Variants in IFT140 observed in about 807,000 individuals in gnomAD.
The protein encoded by IFT140 is intraflagellar transport 140.
A neutral mutation model predicts 164.6 loss-of-function variants in IFT140; 133 were observed. The observed-to-expected ratio is 0.81, with a 90% CI of 0.70 to 0.93. The LOEUF is 0.93. Ranked by LOEUF, IFT140 falls within the 40% of genes least tolerant of loss-of-function variation. The probability of loss-of-function intolerance (pLI) is 0.00; values close to 1 mark genes in which losing one functional copy is unlikely to be tolerated. For missense variants in IFT140, 2,045 were observed against 1,972.3 expected (o/e 1.04, Z -0.70); for synonymous variants, 860 against 817.3 (o/e 1.05, Z -0.89).
chr16:1,575,142 G>A (rs8059372), intron 13 of IFT140, among the ~76,000 whole-genome samples: 5,396 of 150,710 alleles, frequency 0.036, 312 homozygotes, highest in African/African-American at 0.12. Flanking sequence ...AGGCAGGAGG[G>A]TCACTTCAGC....
At chr16:1,592,896 C>T (rs543661068) in intron 4 of IFT140, among the ~76,000 whole-genome samples, 48 of 150,178 alleles carry the variant, frequency 3.2e-4, no homozygotes, top group Middle Eastern at 3.6e-3. Context: ...GGTGGAAGGA[C>T]AGGTGCCCTG....
At chr16:1,580,518 G>A (rs962628195) in intron 13 of IFT140, 25 of 394,732 alleles carry the variant, frequency 6.3e-5, no homozygotes, top group Non-Finnish European at 8.3e-5. Context: ...CTTCCCATTC[G>A]CCTCCCACCA....
intron 3 of IFT140, among the ~76,000 whole-genome samples, chr16:1,604,221 A>G (rs1475554307): frequency 6.7e-6 from 1 of 150,234 alleles, no homozygotes; most frequent in African/African-American, 2.5e-5. Context: ...TATATGGAGG[A>G]GCCTGCTGGC....
At chr16:1,525,417 T>C (rs2040658682) in intron 21 of IFT140, 91 bp from the exon 22 acceptor site, 3 of 953,858 alleles carry the variant, frequency 3.1e-6, no homozygotes, top group Non-Finnish European at 5.0e-6. Flanking sequence ...GTGAAACGCA[T>C]CAGAGCGGTG....
intron 19 of IFT140, among the ~76,000 whole-genome samples, chr16:1,535,368 C>A (rs1417168589): frequency 4.6e-5 from 7 of 152,196 alleles, no homozygotes; most frequent in African/African-American, 2.4e-5. Flanking sequence ...ATGGGGTCAT[C>A]TCAACAGTCA....
At chr16:1,572,340 G>A (rs1471628470) in intron 13 of IFT140, among the ~76,000 whole-genome samples, 1 of 152,128 alleles carries the variant, frequency 6.6e-6, no homozygotes, top group Non-Finnish European at 1.5e-5. Context: ...TCCCACAGTC[G>A]GCACGTTAGA....
chr16:1,556,667 T>C (rs1034199364), intron 19 of IFT140, among the ~76,000 whole-genome samples: 7 of 152,220 alleles, frequency 4.6e-5, no homozygotes, highest in African/African-American at 1.7e-4. Context: ...AGCGTAGAAA[T>C]ACCAGATTCA....
chr16:1,577,065 C>G (rs765285405), intron 13 of IFT140: 1 of 152,164 alleles, frequency 6.6e-6, no homozygotes, highest in Admixed American at 6.6e-5. Flanking sequence ...TCATGCATTT[C>G]GTGCAATACT....
chr16:1,592,072 C>T, intron 6 of IFT140, 104 bp downstream of exon 6: 5 of 1,245,070 alleles, frequency 4.0e-6, no homozygotes, highest in Non-Finnish European at 5.7e-6. Context: ...CTGCTGCTAT[C>T]ACCGTTACTG....
In IFT140 at chr16:1,564,919, T is replaced by TGCAGA. The variant is rs1348004140; in HGVS notation, c.1902-762_1902-758dup. Among the ~76,000 whole-genome samples, 4 of 152,050 alleles carry TGCAGA rather than the reference T, an allele frequency of 2.6e-5. No individual in the cohort carries two copies. The highest frequency in any genetic ancestry group is 5.9e-5 in the Non-Finnish European group (4 of 68,012). ...CCCTCACAGCCACGTTCGGCACCAG[T>TGCAGA]GCAGAGCAGAGCAGAAAGCAGGGCA... On this transcript the variant is annotated intron_variant, in intron 16 of 30. Coordinates refer to ENST00000426508, the MANE Select transcript of IFT140 (RefSeq NM_014714.4). The surrounding 1 kb of genome is among the most constrained non-coding windows in gnomAD (Gnocchi z 5.5).
rs377688969 is a variant in IFT140 at position 1,519,935 on chromosome 16, A to G, written c.3986T>C (p.Leu1329Pro). Residue 1329 changes from leucine to proline, a missense_variant, in exon 29 of 31, where the codon CTG becomes CCG. Leu to Pro is a moderately conservative substitution (Grantham distance 98). Coordinates refer to ENST00000426508, the MANE Select transcript of IFT140 (RefSeq NM_014714.4). Reference sequence around the variant, plus strand: ...TGCCATCCTGCTCTGCAGCTGCGCCAGCCTGGTCTCCTGGTCCAGGGGGCT... The same window carrying G: ...TGCCATCCTGCTCTGCAGCTGCGCCGGCCTGGTCTCCTGGTCCAGGGGGCT... ...AKSPLDQETR[L>P]AQLQSRMALV... The G allele has an allele frequency of 6.2e-7, 1 of 1,602,614 alleles. No individual in the cohort carries two copies. The highest frequency in any genetic ancestry group is 1.3e-5 in the African/African-American group (1 of 74,126).
intron 18 of IFT140, among the ~76,000 whole-genome samples, chr16:1,560,253 A>C (rs2033332080): frequency 6.6e-6 from 1 of 152,176 alleles, no homozygotes; most frequent in Non-Finnish European, 1.5e-5. Context: ...GTCTTCATGA[A>C]GCCAGACTGC....
intron 14 of IFT140, among the ~76,000 whole-genome samples, chr16:1,569,065 C>T (rs180759409): frequency 0.017 from 2,503 of 145,606 alleles, 21 homozygotes; most frequent in Non-Finnish European, 0.026. Flanking sequence ...AGTGCAGTGG[C>T]GCCATCTCGG....
At chr16:1,567,612 G>A (rs1474880236) in intron 15 of IFT140, among the ~76,000 whole-genome samples, 1 of 152,202 alleles carries the variant, frequency 6.6e-6, no homozygotes, top group East Asian at 1.9e-4. Flanking sequence ...CTGTGTCCGT[G>A]GTGCCTAGCA....
intron 14 of IFT140, 29 bp from the exon 15 acceptor site, chr16:1,568,363 C>T (rs1398660279): frequency 1.9e-6 from 3 of 1,543,692 alleles, no homozygotes; most frequent in Middle Eastern, 3.4e-4. Flanking sequence ...ACCTCAGTGC[C>T]CGCCAGAGGC....
rs769761601 is a variant in IFT140 at position 1,525,966 on chromosome 16, G to C, written c.2689C>G (p.Arg897Gly). 1 of 1,587,308 alleles carries C rather than the reference G, an allele frequency of 6.3e-7. No individual in the cohort carries two copies. The highest frequency in any genetic ancestry group is 1.3e-5 in the African/African-American group (1 of 74,362). ...TGGTAGGTGCTGCGCAGGTGCACGC[G>C]ATCGTGGTGCTCGGCTACCTGGAGG... Reference protein sequence around the residue: ...EALQVAEHHDRVHLRSTYHRY... With the variant: ...EALQVAEHHDGVHLRSTYHRY... Residue 897 changes from arginine to glycine, a missense_variant, in exon 21 of 31, where the codon CGC becomes GGC. Arg to Gly is a moderately radical substitution (Grantham distance 125). Coordinates refer to ENST00000426508, the MANE Select transcript of IFT140 (RefSeq NM_014714.4).
chr16:1,576,163 G>C (rs1263418257), intron 13 of IFT140, among the ~76,000 whole-genome samples: 1 of 151,720 alleles, frequency 6.6e-6, no homozygotes, highest in Admixed American at 6.6e-5. Flanking sequence ...GCACATGCCT[G>C]TAATCCCAGC....
chr16:1,596,892 T>C (rs2035491503), intron 4 of IFT140, among the ~76,000 whole-genome samples: 1 of 152,134 alleles, frequency 6.6e-6, no homozygotes, highest in South Asian at 2.1e-4. Context: ...CTCTCCACCA[T>C]CTGTGAATTC....
In IFT140 at chr16:1,551,433, G is replaced by T. The variant is rs2032627439; in HGVS notation, c.2399+6502C>A. On this transcript the variant is annotated intron_variant, in intron 19 of 30. Coordinates refer to ENST00000426508, the MANE Select transcript of IFT140 (RefSeq NM_014714.4). This position sits in a 1 kb window ranked among gnomAD's most constrained non-coding sequence, Gnocchi z 4.0. ...CCAGTGACTGAGAGGGGTGGAAAGGGCCACTGGGCCCCAGGGTGGCAGAAG... is the reference window on the plus strand; with the variant it reads ...CCAGTGACTGAGAGGGGTGGAAAGGTCCACTGGGCCCCAGGGTGGCAGAAG... Among the ~76,000 whole-genome samples, 1 of 152,178 alleles carries T rather than the reference G, an allele frequency of 6.6e-6. No homozygotes were observed. The highest frequency in any genetic ancestry group is 2.1e-4 in the South Asian group (1 of 4,836).
Sources: allele counts gnomAD v4.1 joint callset (sites outside exome capture counted in the v4.1 genomes callset), GRCh38; gene constraint gnomAD v4.1.1; non-coding constraint Gnocchi (gnomAD v3.1); transcripts MANE v1.5; gene names NCBI Gene and HGNC (gene_info 2026-07-23, HGNC 2026-07-21).